ABHD18: variants seen among roughly 807,000 people sequenced by gnomAD.
ABHD18 encodes the protein cardiolipin-specific deacylase, mitochondrial.
A neutral mutation model predicts 65.9 loss-of-function variants in ABHD18; 55 were observed. That is an observed-to-expected ratio of 0.84 (90% confidence interval 0.67 to 1.05). The LOEUF (loss-of-function observed/expected upper bound fraction) is 1.05. Ranked by LOEUF, ABHD18 falls within the 50% of genes least tolerant of loss-of-function variation. The pLI is 0.00. For synonymous variants in ABHD18, 181 were observed against 180.2 expected, an observed-to-expected ratio of 1.00 and a Z score of -0.04; for missense variants, 533 against 558.5, an observed-to-expected ratio of 0.95 and a Z score of 0.46.
At chr4:127,988,406 T>C (rs780134981) in intron 3 of ABHD18, among the ~76,000 whole-genome samples, 3 of 152,136 alleles carry the variant, frequency 2.0e-5, no homozygotes, top group Non-Finnish European at 2.9e-5. Context: ...AATTTTTGTA[T>C]TTTTTGTAGA....
intron 12 of ABHD18, among the ~76,000 whole-genome samples, chr4:128,034,177 T>G (rs1422246001): frequency 6.6e-6 from 1 of 151,922 alleles, no homozygotes; most frequent in Non-Finnish European, 1.5e-5. Context: ...CAGGCTGGTC[T>G]CGAACTCCTG....
At position 128,036,051 on chromosome 4, in the gene ABHD18, A is replaced by T. The variant is rs557714875; in HGVS notation, c.*238A>T. Reference sequence around the variant, plus strand: ...TTTTACTATTGTTTATTGGAATCCCATATATTCAGTGTTTAGTCTGTTGTT... The same window carrying T: ...TTTTACTATTGTTTATTGGAATCCCTTATATTCAGTGTTTAGTCTGTTGTT... On this transcript the variant is annotated 3_prime_UTR_variant, in exon 13 of 13. Transcript: ENST00000645843. 91 of 340,598 alleles carry T rather than the reference A, an allele frequency of 2.7e-4. No homozygotes were observed. The highest frequency in any genetic ancestry group is 6.6e-4 in the Admixed American group (14 of 21,350). 21.1% of individuals were successfully genotyped at this position (340,598 alleles called of 1,614,324 possible).
At chr4:127,988,985 T>G (rs1237791231) in intron 3 of ABHD18, among the ~76,000 whole-genome samples, 1 of 152,218 alleles carries the variant, frequency 6.6e-6, no homozygotes, top group Non-Finnish European at 1.5e-5. Flanking sequence ...CCATATTTAT[T>G]GTAGCACTAT....
intron 12 of ABHD18, among the ~76,000 whole-genome samples, chr4:128,035,129 C>T (rs1164628938): frequency 4.6e-5 from 7 of 152,100 alleles, no homozygotes; most frequent in Non-Finnish European, 7.4e-5. Context: ...TTCAACGAAG[C>T]GATAAGACAA....
chr4:128,035,201 G>A (rs1579502064), intron 12 of ABHD18, among the ~76,000 whole-genome samples: 1 of 152,180 alleles, frequency 6.6e-6, no homozygotes, highest in Non-Finnish European at 1.5e-5. Flanking sequence ...GTGCCTCTGT[G>A]TGCGTGCGTG....
intron 1 of ABHD18, among the ~76,000 whole-genome samples, chr4:127,966,992 A>G (rs1435503029): frequency 6.6e-6 from 1 of 152,130 alleles, no homozygotes; most frequent in Non-Finnish European, 1.5e-5. Flanking sequence ...TTCATTTGTA[A>G]CAGCTCACAA....
chr4:127,982,230 A>T (rs1307760796), intron 1 of ABHD18, among the ~76,000 whole-genome samples: 1 of 152,240 alleles, frequency 6.6e-6, no homozygotes. Flanking sequence ...ATTTAAGTAG[A>T]GTAAACCCTG....
At chr4:128,014,445 T>C (rs539673077) in intron 7 of ABHD18, among the ~76,000 whole-genome samples, 175 of 152,294 alleles carry the variant, frequency 1.1e-3, no homozygotes, top group Non-Finnish European at 2.1e-3. Flanking sequence ...CAGGCATAGG[T>C]TGGAATTGTA....
At chr4:128,022,178 T>C (rs1756608700) in intron 10 of ABHD18, among the ~76,000 whole-genome samples, 1 of 152,234 alleles carries the variant, frequency 6.6e-6, no homozygotes, top group Admixed American at 6.5e-5. Flanking sequence ...TGTATACCTA[T>C]GTATCAAACC....
chr4:128,035,248 G>A (rs889468767), intron 12 of ABHD18, among the ~76,000 whole-genome samples: 5 of 152,124 alleles, frequency 3.3e-5, no homozygotes, highest in African/African-American at 1.2e-4. Flanking sequence ...CACAAAAAGT[G>A]CTTCAGAAAA....
At chr4:127,992,677 T>A (rs1484769614) in intron 4 of ABHD18, among the ~76,000 whole-genome samples, 1 of 152,066 alleles carries the variant, frequency 6.6e-6, no homozygotes, top group Non-Finnish European at 1.5e-5. Flanking sequence ...TAGTTGGGAC[T>A]GTAGACTGAT....
At chr4:127,969,034 A>G (rs1306343067) in intron 1 of ABHD18, among the ~76,000 whole-genome samples, 2 of 152,290 alleles carry the variant, frequency 1.3e-5, no homozygotes, top group Middle Eastern at 3.4e-3. Flanking sequence ...CCAAATTTAT[A>G]CTAACCTATA....
At chr4:127,995,882 T>C (rs1421710024) in intron 4 of ABHD18, among the ~76,000 whole-genome samples, 1 of 152,220 alleles carries the variant, frequency 6.6e-6, no homozygotes, top group Non-Finnish European at 1.5e-5. Context: ...AAATTTTCCT[T>C]GGCTATAAAA....
chr4:128,030,506 C>T lies in ABHD18; in HGVS notation c.1181-4C>T, dbSNP rs753768489. The T allele has an allele frequency of 7.8e-6, 12 of 1,532,468 alleles. No homozygotes were observed. The highest frequency in any genetic ancestry group is 2.5e-5 in the Admixed American group (1 of 40,262). 94.9% of individuals were successfully genotyped at this position (1,532,468 alleles called of 1,614,324 possible). A position where few individuals can be genotyped will look rare whatever the true frequency, so the allele number is the denominator to read the frequency against. ...TGTTGAATTTTTAAAAATCCTATAC[C>T]TAGTCCCAGTTGATCCAAGCCTCAT... On this transcript the variant is annotated splice_region_variant and splice_polypyrimidine_tract_variant and intron_variant, in intron 11 of 12. Coordinates refer to ENST00000645843, the MANE Select transcript of ABHD18 (RefSeq NM_001358451.3).
intron 4 of ABHD18, among the ~76,000 whole-genome samples, chr4:127,996,491 T>G (rs1751759911): frequency 6.6e-6 from 1 of 152,024 alleles, no homozygotes; most frequent in Non-Finnish European, 1.5e-5. Flanking sequence ...ATCACATGCT[T>G]CAAAGGGCAG....
chr4:128,035,880 C>A lies in ABHD18; in HGVS notation c.*67C>A. ...ACAAAAGGGAGCTTCATCCTGTGAT[C>A]ATGTGAAGGACAAGCAGACAGCACT... On this transcript the variant is annotated 3_prime_UTR_variant, in exon 13 of 13. Transcript: ENST00000645843. 1 of 981,716 alleles carries A rather than the reference C, an allele frequency of 1.0e-6. No individual in the cohort carries two copies. The highest frequency in any genetic ancestry group is 1.5e-6 in the Non-Finnish European group (1 of 665,660). 60.8% of individuals were successfully genotyped at this position (981,716 alleles called of 1,614,324 possible).
Position 128,028,586 on chromosome 4 carries a change from C to G in ABHD18, c.913C>G (p.Gln305Glu), listed in dbSNP as rs1757723164. ...AACTTTAAATTTAGATATATCAAAC[C>G]AAGTTGTATCCCAAAAACCTGCTGA... is the stretch of plus-strand genomic sequence containing the variant. ...SRTLNLDISN[Q>E]VVSQKPADCH... is the part of the protein sequence containing the mutation. Residue 305 changes from glutamine (Q) to glutamate (E), a missense_variant, in exon 11 of 13, where the codon CAA becomes GAA. Gln to Glu is a conservative substitution (Grantham distance 29). Around this residue, in one of 3 missense-constraint regions of ABHD18, gnomAD observed 220 missense variants for 226.8 expected, o/e 0.97. Coordinates refer to ENST00000645843, the MANE Select transcript of ABHD18 (RefSeq NM_001358451.3). 6.2e-7 allele frequency: 1 copy of G among 1,613,682 alleles called. No homozygotes were observed. Among genetic ancestry groups the G allele is most frequent in the African/African-American group, 1.3e-5 (1 of 75,022 alleles).
At chr4:127,971,990 C>A (rs538717535) in intron 1 of ABHD18, among the ~76,000 whole-genome samples, 1 of 152,054 alleles carries the variant, frequency 6.6e-6, no homozygotes, top group African/African-American at 2.4e-5. Context: ...TCCTTCTGAC[C>A]GACTTGGCTA....
intron 1 of ABHD18, among the ~76,000 whole-genome samples, chr4:127,979,119 A>ATATAAAT (rs1481043178): frequency 6.6e-6 from 1 of 152,250 alleles, no homozygotes; most frequent in African/African-American, 2.4e-5. Flanking sequence ...ATCATAATAA[A>ATATAAAT]TATAAATGTC....
Sources: allele counts gnomAD v4.1 joint callset (sites outside exome capture counted in the v4.1 genomes callset), GRCh38; gene constraint gnomAD v4.1.1; regional missense constraint gnomAD v4.1.1; transcripts MANE v1.5; gene names NCBI Gene and HGNC (gene_info 2026-07-23, HGNC 2026-07-21).